PLA2G1B: variants seen among roughly 807,000 people sequenced by gnomAD.
The protein encoded by PLA2G1B is phospholipase A2 group IB.
A neutral mutation model predicts 12.5 loss-of-function variants in PLA2G1B; 12 were observed. The observed-to-expected ratio is 0.96, with a 90% CI of 0.62 to 1.56. The LOEUF (loss-of-function observed/expected upper bound fraction) is 1.56. Among genes scored for constraint, PLA2G1B ranks in the 40% most tolerant of loss-of-function variants. The pLI, the probability that PLA2G1B is intolerant of heterozygous loss-of-function variation, is 0.00. For missense variants in PLA2G1B, 189 were observed against 186.7 expected, an observed-to-expected ratio of 1.01 and a Z score of -0.07; for synonymous variants, 81 against 73.4, an observed-to-expected ratio of 1.10 and a Z score of -0.53.
chr12:120,322,347 C>A (rs376432661), intron 3 of PLA2G1B, 30 bp from the exon 4 acceptor site: 6 of 1,605,098 alleles, frequency 3.7e-6, no homozygotes, highest in Non-Finnish European at 4.3e-6. Context: ...GAGGACTGAG[C>A]CAAGGTGGAC....
Position 120,325,004 on chromosome 12 carries a change from T to G in PLA2G1B, c.252A>C (p.Lys84Asn). 1 of 1,613,904 alleles carries G rather than the reference T, an allele frequency of 6.2e-7. No homozygotes were observed. The highest frequency in any genetic ancestry group is 8.5e-7 in the Non-Finnish European group (1 of 1,179,924). ...YDQAKKLDSC[K>N]FLLDNPYTHT... is the part of the protein sequence containing the mutation. Reference sequence around the variant, plus strand: ...GGGTGTACGGGTTGTCCAGCAGAAATTTACAGCTGTCCAGCTTCTTGGCCT... The same window carrying G: ...GGGTGTACGGGTTGTCCAGCAGAAAGTTACAGCTGTCCAGCTTCTTGGCCT... Residue 84 changes from lysine (K) to asparagine (N), a missense_variant, in exon 3 of 4, where the codon AAA becomes AAC. Physicochemically the swap from Lys to Asn is moderately conservative, Grantham distance 94. Transcript: ENST00000308366.
At chr12:120,325,760 C>G (rs1441878582) in intron 2 of PLA2G1B, 101 bp downstream of exon 2, 1 of 1,055,732 alleles carries the variant, frequency 9.5e-7, no homozygotes, top group Non-Finnish European at 1.4e-6. Context: ...TTATCCTTAG[C>G]AGATATGCAA....
chr12:120,324,691 A>T (rs1873303104), intron 3 of PLA2G1B, among the ~76,000 whole-genome samples: 1 of 151,980 alleles, frequency 6.6e-6, no homozygotes, highest in Non-Finnish European at 1.5e-5. Context: ...AAAAAAACCC[A>T]AACTGTCACC....
rs1244619090 is a variant in PLA2G1B, at chr12:120,325,079, C to G, written c.195-18G>C. ...GGCAGCACCTGGAAAGTGGGAGGGACAGCTGAGATAGGAGTAAGTGCAGAG... is the reference window on the plus strand; with the variant it reads ...GGCAGCACCTGGAAAGTGGGAGGGAGAGCTGAGATAGGAGTAAGTGCAGAG... On this transcript the variant is annotated intron_variant, in intron 2 of 3. Transcript: ENST00000308366. The G allele has an allele frequency of 3.7e-6, 6 of 1,613,790 alleles. No homozygotes were observed. The highest frequency in any genetic ancestry group is 5.1e-6 in the Non-Finnish European group (6 of 1,179,912).
chr12:120,327,723 TGAGCA>T lies in PLA2G1B; in HGVS notation c.26_30del (p.Leu9HisfsTer29), dbSNP rs771058857. 1.2e-6 allele frequency: 2 copies of T among 1,613,974 alleles called. No homozygotes were observed. Among genetic ancestry groups the T allele is most frequent in the African/African-American group, 2.7e-5 (2 of 75,036 alleles). ...GGAGCCGGGGAGACTTGCCTACCTG[TGAGCA>T]GCACAGCTAGCACAAGGAGTTTCAT... On this transcript the variant is annotated frameshift_variant, in exon 1 of 4. Coordinates refer to ENST00000308366, the MANE Select transcript of PLA2G1B (RefSeq NM_000928.3). LOFTEE classifies it high-confidence loss of function.
chr12:120,325,259 C>G (rs912931921), intron 2 of PLA2G1B, among the ~76,000 whole-genome samples, 198 bp from the exon 3 acceptor site: 9 of 151,274 alleles, frequency 5.9e-5, no homozygotes, highest in African/African-American at 2.2e-4. Context: ...CAGAGTTGCT[C>G]TGTTACCCAG....
At chr12:120,326,076 C>G in intron 1 of PLA2G1B, 56 bp from the exon 2 acceptor site, 2 of 1,578,494 alleles carry the variant, frequency 1.3e-6, no homozygotes, top group Non-Finnish European at 1.7e-6. Flanking sequence ...CGGGGACACA[C>G]TGCCTTCCTG....
intron 2 of PLA2G1B, 42 bp from the exon 3 acceptor site, chr12:120,325,103 A>G: frequency 6.2e-7 from 1 of 1,612,374 alleles, no homozygotes; most frequent in Non-Finnish European, 8.5e-7. Flanking sequence ...GTAAGTGCAG[A>G]GCAATAGGTC....
At chr12:120,325,809 C>A in intron 2 of PLA2G1B, 52 bp downstream of exon 2, 1 of 1,581,682 alleles carries the variant, frequency 6.3e-7, no homozygotes, top group South Asian at 1.1e-5. Context: ...TGGCGTGTGC[C>A]CCACCCCGCC....
chr12:120,325,014 T>A lies in PLA2G1B; in HGVS notation c.242A>T (p.Asp81Val), dbSNP rs1873312067. The part of the protein sequence containing the change: ...DNCYDQAKKL[D>V]SCKFLLDNPY... ...GTTGTCCAGCAGAAATTTACAGCTG[T>A]CCAGCTTCTTGGCCTGGTCATAGCA... The change falls in exon 3 of 4, where the codon GAC becomes GTC. Residue 81 changes from aspartate (D) to valine (V), a missense_variant. Coordinates refer to ENST00000308366, the MANE Select transcript of PLA2G1B (RefSeq NM_000928.3). 3 of 1,613,970 alleles carry A rather than the reference T, an allele frequency of 1.9e-6. No homozygotes were observed. Among genetic ancestry groups the A allele is most frequent in the Non-Finnish European group, 2.5e-6 (3 of 1,179,934 alleles).
chr12:120,323,822 A>G (rs528734709), intron 3 of PLA2G1B, among the ~76,000 whole-genome samples: 36 of 152,334 alleles, frequency 2.4e-4, no homozygotes, highest in Admixed American at 4.6e-4. Context: ...GTTTGAGGCA[A>G]TATGAAAAAG....
chr12:120,322,446 G>A, intron 3 of PLA2G1B, 129 bp from the exon 4 acceptor site: 3 of 766,106 alleles, frequency 3.9e-6, no homozygotes, highest in Non-Finnish European at 6.4e-6. Flanking sequence ...GACAGATTAA[G>A]TGAATACAAG....
chr12:120,324,416 A>G (rs905613879), intron 3 of PLA2G1B, among the ~76,000 whole-genome samples: 2 of 152,208 alleles, frequency 1.3e-5, no homozygotes, highest in Non-Finnish European at 2.9e-5. Flanking sequence ...CTGTAATCCC[A>G]GCACTTTGGG....
chr12:120,326,950 G>A (rs1045894769), intron 1 of PLA2G1B, among the ~76,000 whole-genome samples: 2 of 150,226 alleles, frequency 1.3e-5, no homozygotes, highest in Admixed American at 6.6e-5. Flanking sequence ...CAGCCTTGGC[G>A]ACAAAGCAAG....
intron 1 of PLA2G1B, among the ~76,000 whole-genome samples, chr12:120,326,248 A>C (rs1226478183): frequency 1.4e-5 from 2 of 146,618 alleles, no homozygotes; most frequent in East Asian, 3.9e-4. Flanking sequence ...GTGTGTATAT[A>C]TATATATATC....
intron 2 of PLA2G1B, 39 bp downstream of exon 2, chr12:120,325,822 C>T (rs548344557): frequency 5.8e-5 from 93 of 1,606,318 alleles, no homozygotes; most frequent in Non-Finnish European, 7.2e-5. Context: ...ACCCCGCCCC[C>T]GGCAGGCACT....
rs776823672 is a variant in PLA2G1B at position 120,325,878 on chromosome 12, G to A, written c.177C>T (p.Pro59=). 4 of 1,613,682 alleles carry A rather than the reference G, an allele frequency of 2.5e-6. No homozygotes were observed. In the African/African-American group the frequency reaches 4.0e-5, roughly 16 times the overall value. Reference sequence around the variant, plus strand: ...TCACTTACTTGTCCAGTTCATCCACGGGGGTGCCTGAGCCCCCCAAGCCAC... The same window carrying A: ...TCACTTACTTGTCCAGTTCATCCACAGGGGTGCCTGAGCCCCCCAAGCCAC... ...CYCGLGGSGT[P]VDELDKCCQT... The change falls in exon 2 of 4, where the codon CCC becomes CCT. Residue 59 remains proline (P), a synonymous_variant. Coordinates refer to ENST00000308366, the MANE Select transcript of PLA2G1B (RefSeq NM_000928.3).
intron 2 of PLA2G1B, among the ~76,000 whole-genome samples, chr12:120,325,494 C>G (rs558593922): frequency 6.6e-5 from 10 of 152,342 alleles, no homozygotes; most frequent in African/African-American, 2.4e-4. Flanking sequence ...GCCACCGCGC[C>G]TGGCCTGAAA....
chr12:120,325,451 C>T (rs1409824987), intron 2 of PLA2G1B, among the ~76,000 whole-genome samples: 3 of 152,140 alleles, frequency 2.0e-5, no homozygotes, highest in Non-Finnish European at 4.4e-5. Context: ...CCGCCCGCCT[C>T]GGCCTCCCAA....
Sources: allele counts gnomAD v4.1 joint callset (sites outside exome capture counted in the v4.1 genomes callset), GRCh38; gene constraint gnomAD v4.1.1; transcripts MANE v1.5; gene names NCBI Gene and HGNC (gene_info 2026-07-23, HGNC 2026-07-21).